Variants in MLF1 observed in about 807,000 individuals in gnomAD.
MLF1 encodes myelodysplasia-myeloid leukemia factor 1.
In MLF1, 37 loss-of-function variants were observed where a neutral mutation model predicts 38.3. The observed-to-expected ratio is 0.96, with a 90% CI of 0.74 to 1.27. The LOEUF (loss-of-function observed/expected upper bound fraction) is 1.27. MLF1 is among the 50% of genes most tolerant of loss of function. The pLI is 0.00. For synonymous variants in MLF1, 95 were observed against 106.5 expected (o/e 0.89, Z 0.66); for missense variants, 331 against 349.2 (o/e 0.95, Z 0.42).
intron 1 of MLF1, chr3:158,590,681 A>T: frequency 4.8e-6 from 2 of 413,098 alleles, no homozygotes; most frequent in South Asian, 1.8e-5. Flanking sequence ...TCTGGAGAAG[A>T]CCAAACTATA....
chr3:158,591,233 C>T, intron 1 of MLF1: 1 of 427,072 alleles, frequency 2.3e-6, no homozygotes, highest in South Asian at 1.7e-5. Context: ...AATCTTGGCT[C>T]ACTGCAACTT....
intron 1 of MLF1, chr3:158,583,005 C>G: frequency 1.7e-6 from 1 of 587,554 alleles, no homozygotes; most frequent in Non-Finnish European, 3.0e-6. Flanking sequence ...ATAATAGGCA[C>G]ACACACATTT....
chr3:158,588,734 T>TA (rs1193261006), intron 1 of MLF1: 26 of 322,714 alleles, frequency 8.1e-5, no homozygotes, highest in Non-Finnish European at 1.5e-4. Flanking sequence ...TTCTGCATCA[T>TA]AAAAAACAGA....
At chr3:158,595,277 G>A (rs1267739543) in intron 3 of MLF1, among the ~76,000 whole-genome samples, 1 of 152,076 alleles carries the variant, frequency 6.6e-6, no homozygotes, top group Non-Finnish European at 1.5e-5. Context: ...TTTAAAGTCA[G>A]GAGGAAACAT....
chr3:158,593,082 T>C (rs928343286), intron 2 of MLF1, among the ~76,000 whole-genome samples: 11 of 152,106 alleles, frequency 7.2e-5, no homozygotes, highest in African/African-American at 2.7e-4. Context: ...GAAATATATT[T>C]TCATATGTCT....
At position 158,573,543 on chromosome 3, in the gene MLF1, G is replaced by A. The variant is rs372273610; in HGVS notation, c.47+2196G>A. ...CACTATTATTTATTTTTGAGTTGTG[G>A]GATTTTTTTTCCTTAATTCTAACTT... is the stretch of plus-strand genomic sequence containing the variant. On this transcript the variant is annotated intron_variant, in intron 1 of 7. Transcript: ENST00000466246. 14 of 152,006 alleles carry A rather than the reference G, an allele frequency of 9.2e-5. No individual in the cohort carries two copies. The East Asian group carries it at 1.7e-3, about 19-fold the overall frequency. The allele number at this position is 152,006 out of a possible 1,614,324, so 9.4% of individuals were successfully genotyped here. A position where few individuals can be genotyped will look rare whatever the true frequency, so the allele number is the denominator to read the frequency against.
In MLF1 at chr3:158,605,230, T is replaced by C; in HGVS notation, c.*28T>C. 6.4e-7 allele frequency: 1 copy of C among 1,562,074 alleles called. No homozygotes were observed. Among genetic ancestry groups the C allele is most frequent in the Non-Finnish European group, 8.8e-7 (1 of 1,138,570 alleles). On this transcript the variant is annotated 3_prime_UTR_variant, in exon 8 of 8. Coordinates refer to ENST00000466246, the MANE Select transcript of MLF1 (RefSeq NM_001369783.1). ...AGCCATGCATTTGATTTGTTTAGTT[T>C]TGATTGTTTTAACAGTTAGTAATGG...
At chr3:158,571,436 G>T (rs773419591) in intron 1 of MLF1, 89 bp downstream of exon 1, 2 of 1,518,088 alleles carry the variant, frequency 1.3e-6, no homozygotes, top group Non-Finnish European at 1.8e-6. Flanking sequence ...AGTTTTAGAG[G>T]GCGAGAGAGA....
intron 1 of MLF1, among the ~76,000 whole-genome samples, chr3:158,590,419 C>G (rs775243465): frequency 1.3e-5 from 2 of 152,196 alleles, no homozygotes; most frequent in Non-Finnish European, 2.9e-5. Flanking sequence ...TCAGTCCTTG[C>G]TCTGAGGTGT....
intron 1 of MLF1, among the ~76,000 whole-genome samples, chr3:158,574,006 C>T (rs1211846388): frequency 6.6e-6 from 1 of 152,080 alleles, no homozygotes; most frequent in Non-Finnish European, 1.5e-5. Flanking sequence ...GCCGTGTTAC[C>T]CAGACTGGTC....
intron 3 of MLF1, among the ~76,000 whole-genome samples, chr3:158,593,678 T>G (rs1425969385): frequency 6.6e-6 from 1 of 152,226 alleles, no homozygotes; most frequent in Non-Finnish European, 1.5e-5. Context: ...TGAATGAATA[T>G]TTGCTTGATT....
At chr3:158,572,387 G>A (rs1214552110) in intron 1 of MLF1, among the ~76,000 whole-genome samples, 1 of 140,254 alleles carries the variant, frequency 7.1e-6, no homozygotes, top group Non-Finnish European at 1.6e-5. Flanking sequence ...ATGAAGTGCA[G>A]GGGAGGATTG....
At position 158,600,062 on chromosome 3, in the gene MLF1, A is replaced by G; in HGVS notation, c.502A>G (p.Lys168Glu). 1 of 1,457,176 alleles carries G rather than the reference A, an allele frequency of 6.9e-7. No individual in the cohort carries two copies. Among genetic ancestry groups the G allele is most frequent in the Non-Finnish European group, 9.1e-7 (1 of 1,096,694 alleles). 90.3% of individuals were successfully genotyped at this position (1,457,176 alleles called of 1,614,324 possible). A position where few individuals can be genotyped will look rare whatever the true frequency, so the allele number is the denominator to read the frequency against. ...AMRDSDSGLE[K>E]MAIGHHIHDR... ...GAGAGATTCTGACAGTGGACTAGAA[A>G]AAATGGCTATTGGTCATCATATCCA... is the stretch of plus-strand genomic sequence containing the variant. The change falls in exon 6 of 8, where the codon AAA becomes GAA. Residue 168 changes from lysine (K) to glutamate (E), a missense_variant. Coordinates refer to ENST00000466246, the MANE Select transcript of MLF1 (RefSeq NM_001369783.1).
In MLF1 at chr3:158,599,172, G is replaced by A. The variant is rs1719352357; in HGVS notation, c.454-842G>A. ...ATCATTTTCTGTCAATAGATATGTA[G>A]GTGAGTCTAATCTTTCACTAATTCA... On this transcript the variant is annotated intron_variant, in intron 5 of 7. Coordinates refer to ENST00000466246, the MANE Select transcript of MLF1 (RefSeq NM_001369783.1). Among the ~76,000 whole-genome samples, 3 of 152,138 alleles carry A rather than the reference G, an allele frequency of 2.0e-5. No homozygotes were observed. In the South Asian group the frequency reaches 6.2e-4, roughly 31 times the overall value.
At position 158,593,390 on chromosome 3, in the gene MLF1, T is replaced by C. The variant is rs1718447190; in HGVS notation, c.204T>C (p.Ser68=). 1 of 1,556,582 alleles carries C rather than the reference T, an allele frequency of 6.4e-7. No individual in the cohort carries two copies. Among genetic ancestry groups the C allele is most frequent in the Non-Finnish European group, 8.6e-7 (1 of 1,157,256 alleles). Residue 68 remains serine, a synonymous_variant, in exon 3 of 8, where the codon AGT becomes AGC. Coordinates refer to ENST00000466246, the MANE Select transcript of MLF1 (RefSeq NM_001369783.1). ...NDGEDSLTAT[S]CSLVPFGDFG... ...GGATATTATTTTTCCAGGCAACGAG[T>C]TGTTCTCTTGTGCCTTTTGGCGATT...
rs1031289289 is a variant in MLF1, at chr3:158,605,939, C to T, written c.*737C>T. 3 of 182,496 alleles carry T rather than the reference C, an allele frequency of 1.6e-5. No homozygotes were observed. The highest frequency in any genetic ancestry group is 3.5e-5 in the Non-Finnish European group (3 of 85,802). 11.3% of individuals were successfully genotyped at this position (182,496 alleles called of 1,614,324 possible). The stretch of plus-strand genomic sequence containing the variant: ...TGTGGCATATTTCTACTCTCCTTTC[C>T]CACAAACAGCTTCATCTGTCTCCAA... On this transcript the variant is annotated 3_prime_UTR_variant, in exon 8 of 8. Transcript: ENST00000466246.
chr3:158,596,414 A>T (rs1013385508), intron 3 of MLF1, among the ~76,000 whole-genome samples: 4 of 152,164 alleles, frequency 2.6e-5, no homozygotes, highest in Admixed American at 6.6e-5. Context: ...GCCATGTGGT[A>T]CTGCTGGAGG....
At chr3:158,587,870 G>A (rs111512427) in intron 1 of MLF1, among the ~76,000 whole-genome samples, 4,953 of 152,228 alleles carry the variant, frequency 0.033, 243 homozygotes, top group African/African-American at 0.11. Flanking sequence ...GCCTGGCGGC[G>A]TGCGCCTGTA....
intron 2 of MLF1, 34 bp downstream of exon 2, chr3:158,592,615 G>A: frequency 6.5e-7 from 1 of 1,541,284 alleles, no homozygotes; most frequent in Non-Finnish European, 8.8e-7. Flanking sequence ...TTAGTGAGAA[G>A]GCCCTGTAGG....
Sources: allele counts gnomAD v4.1 joint callset (sites outside exome capture counted in the v4.1 genomes callset), GRCh38; gene constraint gnomAD v4.1.1; transcripts MANE v1.5; gene names NCBI Gene and HGNC (gene_info 2026-07-23, HGNC 2026-07-21).